The following ELMO1 variants were observed in gnomAD, a reference collection of about 807,000 sequenced individuals.
ELMO1 encodes the protein engulfment and cell motility 1.
A neutral mutation model predicts 98.9 loss-of-function variants in ELMO1; 26 were observed. That is an observed-to-expected ratio of 0.26 (90% CI 0.19 to 0.36). The LOEUF is 0.36. Among genes scored for constraint, ELMO1 ranks in the 10% least tolerant of loss-of-function variants. The probability of loss-of-function intolerance (pLI) is 1.00; values close to 1 mark genes in which losing one functional copy is unlikely to be tolerated. For missense variants in ELMO1, 627 were observed against 935.2 expected (o/e 0.67, Z 4.30); for synonymous variants, 346 against 346.0 (o/e 1.00, Z 0.00).
intron 21 of ELMO1, among the ~76,000 whole-genome samples, chr7:36,856,092 T>C (rs1405300966): frequency 6.6e-6 from 1 of 152,226 alleles, no homozygotes; most frequent in African/African-American, 2.4e-5. Flanking sequence ...ACTTGCAATG[T>C]AACACCTAGG....
intron 1 of ELMO1, among the ~76,000 whole-genome samples, chr7:37,401,434 A>G (rs967718673): frequency 6.6e-6 from 1 of 152,154 alleles, no homozygotes; most frequent in African/African-American, 2.4e-5. Flanking sequence ...TCTTTGAAGC[A>G]CTTTGTAAGA....
intron 14 of ELMO1, among the ~76,000 whole-genome samples, chr7:37,101,836 A>C (rs538306639): frequency 3.3e-5 from 5 of 152,192 alleles, no homozygotes; most frequent in African/African-American, 1.2e-4. Context: ...AGGTTAAAAC[A>C]AGGTAGGTTA....
chr7:37,444,761 G>T (rs900470487), intron 1 of ELMO1, among the ~76,000 whole-genome samples: 4 of 152,094 alleles, frequency 2.6e-5, no homozygotes, highest in African/African-American at 9.7e-5. Context: ...CAATCCACCC[G>T]CCTCGGACTC....
intron 16 of ELMO1, among the ~76,000 whole-genome samples, chr7:36,931,387 G>T (rs912934703): frequency 6.6e-6 from 1 of 152,212 alleles, no homozygotes; most frequent in Admixed American, 6.5e-5. Flanking sequence ...ATCACCTGAG[G>T]TCAAGAGTTC....
intron 13 of ELMO1, among the ~76,000 whole-genome samples, chr7:37,206,173 T>A (rs1041534898): frequency 6.6e-6 from 1 of 152,228 alleles, no homozygotes; most frequent in Non-Finnish European, 1.5e-5. Flanking sequence ...TAATAGCATC[T>A]AGATTCACAG....
At chr7:37,317,984 T>C (rs1384790839) in intron 2 of ELMO1, among the ~76,000 whole-genome samples, 1 of 152,078 alleles carries the variant, frequency 6.6e-6, no homozygotes, top group Non-Finnish European at 1.5e-5. Context: ...AAAAAATAAA[T>C]GAATGCGGTT....
At chr7:37,173,066 C>G (rs999945842) in intron 13 of ELMO1, among the ~76,000 whole-genome samples, 5 of 152,160 alleles carry the variant, frequency 3.3e-5, no homozygotes, top group African/African-American at 1.2e-4. Context: ...CTTGACTTTC[C>G]TCTTCAACGA....
chr7:37,137,791 C>A (rs1787365693), intron 13 of ELMO1, among the ~76,000 whole-genome samples: 1 of 152,156 alleles, frequency 6.6e-6, no homozygotes, highest in Admixed American at 6.5e-5. Flanking sequence ...CCCACCTCGG[C>A]CTTCCAAAGT....
intron 6 of ELMO1, among the ~76,000 whole-genome samples, chr7:37,250,857 G>C (rs1415983032): frequency 6.7e-6 from 1 of 148,930 alleles, no homozygotes; most frequent in Non-Finnish European, 1.5e-5. Flanking sequence ...TTTAACTTTT[G>C]TTCGCAGTTG....
chr7:37,442,347 T>G (rs1465153921), intron 1 of ELMO1, among the ~76,000 whole-genome samples: 1 of 152,188 alleles, frequency 6.6e-6, no homozygotes, highest in Non-Finnish European at 1.5e-5. Flanking sequence ...GACTCCAGTC[T>G]CTGGTTTTCT....
At chr7:37,253,853 C>T (rs1795494014) in intron 6 of ELMO1, among the ~76,000 whole-genome samples, 1 of 152,134 alleles carries the variant, frequency 6.6e-6, no homozygotes, top group Admixed American at 6.5e-5. Flanking sequence ...AAAATTTCCA[C>T]AGGTCCTGCT....
At chr7:37,343,487 CTTTTTTTTT>C (rs10571805) in intron 1 of ELMO1, among the ~76,000 whole-genome samples, 1 of 92,820 alleles carries the variant, frequency 1.1e-5, no homozygotes. Context: ...TAGCCCATTT[CTTTTTTTTT>C]TTTTTTTTTT....
chr7:37,236,587 T>A (rs1018282527), intron 7 of ELMO1, among the ~76,000 whole-genome samples: 1 of 152,202 alleles, frequency 6.6e-6, no homozygotes, highest in African/African-American at 2.4e-5. Flanking sequence ...AGGTATATAA[T>A]ATATACATAT....
At chr7:37,010,925 T>C (rs573617029) in intron 16 of ELMO1, among the ~76,000 whole-genome samples, 1 of 152,312 alleles carries the variant, frequency 6.6e-6, no homozygotes, top group East Asian at 1.9e-4. Context: ...TAAAATTCCT[T>C]GTCCTTCCCA....
chr7:37,203,579 A>C (rs1448697084), intron 13 of ELMO1, among the ~76,000 whole-genome samples: 2 of 152,190 alleles, frequency 1.3e-5, no homozygotes, highest in African/African-American at 4.8e-5. Flanking sequence ...CACCTAAAGA[A>C]GGTAACAGAG....
intron 1 of ELMO1, among the ~76,000 whole-genome samples, chr7:37,354,051 T>A (rs1469829999): frequency 6.6e-6 from 1 of 152,234 alleles, no homozygotes; most frequent in Non-Finnish European, 1.5e-5. Context: ...CGGCCTCCCG[T>A]GCTAGAAGTA....
intron 11 of ELMO1, among the ~76,000 whole-genome samples, chr7:37,215,335 G>T (rs78131758): frequency 0.011 from 1,740 of 152,272 alleles, 39 homozygotes; most frequent in African/African-American, 0.041. Context: ...ACTTGTATTG[G>T]TGGGAGAGGG....
intron 21 of ELMO1, among the ~76,000 whole-genome samples, chr7:36,857,852 G>C (rs2129030862): frequency 6.6e-6 from 1 of 152,230 alleles, no homozygotes; most frequent in South Asian, 2.1e-4. Flanking sequence ...GCTTCACAGA[G>C]AAAAGGCAGG....
At chr7:37,155,884 C>T (rs1024267954) in intron 13 of ELMO1, among the ~76,000 whole-genome samples, 7 of 152,226 alleles carry the variant, frequency 4.6e-5, no homozygotes, top group South Asian at 2.1e-4. Context: ...CTTCTCAGCA[C>T]GACATCGCAC....
Sources: allele counts gnomAD v4.1 joint callset (sites outside exome capture counted in the v4.1 genomes callset), GRCh38; gene constraint gnomAD v4.1.1; transcripts MANE v1.5; gene names NCBI Gene and HGNC (gene_info 2026-07-23, HGNC 2026-07-21).